Variants in RBFOX3 observed in about 807,000 individuals in gnomAD.
The protein encoded by RBFOX3 is RNA binding protein fox-1 homolog 3.
RBFOX3 carries 17 observed loss-of-function variants against 48.7 expected under a neutral mutation model. That is an observed-to-expected ratio of 0.35 (90% confidence interval 0.24 to 0.52). The LOEUF is 0.52. Ranked by LOEUF, RBFOX3 falls within the 20% of genes least tolerant of loss-of-function variation. The pLI is 0.94. For missense variants in RBFOX3, 382 were observed against 497.5 expected (o/e 0.77, Z 2.21); for synonymous variants, 212 against 209.5 (o/e 1.01, Z -0.10).
At position 79,316,208 on chromosome 17, in the gene RBFOX3, G is replaced by A. The variant is rs72849017; in HGVS notation, c.-174-8384C>T. Among the ~76,000 whole-genome samples the A allele has an allele frequency of 4.7e-3, 712 of 152,278 alleles. 3 individuals are homozygous for A. The highest frequency in any genetic ancestry group is 8.3e-3 in the Non-Finnish European group (567 of 68,002). Reference sequence around the variant, plus strand: ...GGGTGGAGGGGCTGGGGCTGAGGACGAGGCCATGCAGTGGCTTTGTGACTG... The same window carrying A: ...GGGTGGAGGGGCTGGGGCTGAGGACAAGGCCATGCAGTGGCTTTGTGACTG... On this transcript the variant is annotated intron_variant, in intron 2 of 14. Transcript: ENST00000693108.
intron 4 of RBFOX3, among the ~76,000 whole-genome samples, chr17:79,137,980 A>G (rs754416102): frequency 8.5e-5 from 13 of 152,152 alleles, no homozygotes; most frequent in Non-Finnish European, 1.8e-4. Context: ...AGCCATGTGC[A>G]CATGTGTGCT....
At chr17:79,618,683 C>T in the RBFOX3 span, among the ~76,000 whole-genome samples, 3 of 152,304 alleles carry the variant, frequency 2.0e-5, no homozygotes, top group Admixed American at 2.0e-4. Flanking sequence ...CGGGGGTGTC[C>T]ACGTGATGAG....
chr17:79,157,939 G>A (rs915376752), intron 4 of RBFOX3, among the ~76,000 whole-genome samples: 3 of 152,184 alleles, frequency 2.0e-5, no homozygotes, highest in African/African-American at 4.8e-5. Flanking sequence ...TGCTGAGAAC[G>A]ACCGAGCTGT....
chr17:79,169,844 T>C (rs574650466), intron 4 of RBFOX3, among the ~76,000 whole-genome samples: 8 of 152,058 alleles, frequency 5.3e-5, no homozygotes, highest in East Asian at 3.9e-4. Flanking sequence ...CGGAACCGTA[T>C]ACTTCATAAG....
At chr17:79,272,480 T>TGAG (rs2067910930) in intron 3 of RBFOX3, among the ~76,000 whole-genome samples, 1 of 152,172 alleles carries the variant, frequency 6.6e-6, no homozygotes, top group African/African-American at 2.4e-5. Flanking sequence ...TCCCCTCTTC[T>TGAG]CAGTGTTACA....
At chr17:79,504,774 T>A (rs2082850436) in intron 1 of RBFOX3, among the ~76,000 whole-genome samples, 1 of 152,204 alleles carries the variant, frequency 6.6e-6, no homozygotes, top group Non-Finnish European at 1.5e-5. Flanking sequence ...AAGTCTGCCT[T>A]TGACATATAA....
In RBFOX3 at chr17:79,570,161, A is replaced by G. The variant is rs2092620377; in HGVS notation, c.-320+40665T>C. ...AATGGCAAATGGACAGATGGATAAT[A>G]GATGGATGGTAGATGGATAGGTGGA... On this transcript the variant is annotated intron_variant, in intron 1 of 14. Transcript: ENST00000693108. Among the ~76,000 whole-genome samples, 2 of 150,288 alleles carry G rather than the reference A, an allele frequency of 1.3e-5. 1 individual carries two copies. Among genetic ancestry groups the G allele is most frequent in the East Asian group, 4.2e-4 (2 of 4,790 alleles).
rs964088155 is a variant in RBFOX3 at position 79,089,817 on chromosome 17, C to T, written c.*1066G>A. ...GCTGTCCTTGGTGCTGCTCCCGCCA[C>T]CTGGACACCTGCCTTGGGAGCAGGG... On this transcript the variant is annotated 3_prime_UTR_variant, in exon 15 of 15. Coordinates refer to ENST00000693108, the MANE Select transcript of RBFOX3 (RefSeq NM_001350451.2). The T allele has an allele frequency of 2.0e-5, 3 of 152,560 alleles. No individual in the cohort carries two copies. Among genetic ancestry groups the T allele is most frequent in the African/African-American group, 4.8e-5 (2 of 41,456 alleles). The allele number at this position is 152,560 out of a possible 1,614,324, so 9.5% of individuals were successfully genotyped here.
chr17:79,541,684 C>A (rs2089714116), intron 1 of RBFOX3, among the ~76,000 whole-genome samples: 1 of 152,352 alleles, frequency 6.6e-6, no homozygotes, highest in African/African-American at 2.4e-5. Context: ...GGCCTCAAGT[C>A]AGTTCTTCAG....
intron 3 of RBFOX3, among the ~76,000 whole-genome samples, chr17:79,279,557 C>T (rs1262760932): frequency 6.6e-6 from 1 of 152,202 alleles, no homozygotes; most frequent in African/African-American, 2.4e-5. Context: ...AGGCATGACC[C>T]AGTCCAAATA....
intron 4 of RBFOX3, among the ~76,000 whole-genome samples, chr17:79,150,891 G>A (rs1196087164): frequency 2.0e-5 from 3 of 152,222 alleles, no homozygotes; most frequent in Admixed American, 2.0e-4. Flanking sequence ...ACGAGGGCTT[G>A]CTCATGCCTA....
chr17:79,192,157 A>G (rs1452797393), intron 4 of RBFOX3, among the ~76,000 whole-genome samples: 2 of 151,988 alleles, frequency 1.3e-5, no homozygotes, highest in East Asian at 3.9e-4. Context: ...GGGTCCAGCG[A>G]TGTTTTGGCC....
intron 4 of RBFOX3, among the ~76,000 whole-genome samples, chr17:79,215,344 A>G (rs1226657008): frequency 6.6e-6 from 1 of 152,232 alleles, no homozygotes; most frequent in African/African-American, 2.4e-5. Flanking sequence ...TTCCAGACCT[A>G]TGAATGTGAC....
rs1205428201 is a variant in RBFOX3 at position 79,576,664 on chromosome 17, T to C, written c.-320+34162A>G. The stretch of plus-strand genomic sequence containing the variant: ...GAGGGGTGGGAGATGATGGAGAAGT[T>C]GGAGATGATGGAGAAGGCGGAGATG... On this transcript the variant is annotated intron_variant, in intron 1 of 14. Coordinates refer to ENST00000693108, the MANE Select transcript of RBFOX3 (RefSeq NM_001350451.2). Among the ~76,000 whole-genome samples the C allele has an allele frequency of 4.0e-5, 6 of 150,766 alleles. No individual in the cohort carries two copies. In the East Asian group the frequency reaches 1.2e-3, roughly 30 times the overall value.
At chr17:79,393,749 C>T (rs900868886) in intron 2 of RBFOX3, among the ~76,000 whole-genome samples, 9 of 150,504 alleles carry the variant, frequency 6.0e-5, no homozygotes, top group Non-Finnish European at 4.4e-5. Context: ...CTGGTCATCA[C>T]GCACATCAGA....
At chr17:79,618,506 G>A in the RBFOX3 span, among the ~76,000 whole-genome samples, 7 of 152,318 alleles carry the variant, frequency 4.6e-5, no homozygotes, top group South Asian at 1.5e-3. Flanking sequence ...GGGAAGGAGG[G>A]CCGTGCTCAG....
chr17:79,654,745 C>T, the RBFOX3 span, among the ~76,000 whole-genome samples: 2 of 152,292 alleles, frequency 1.3e-5, no homozygotes, highest in African/African-American at 2.4e-5. Flanking sequence ...TTTTAAAATG[C>T]TATCTCATTT....
intron 4 of RBFOX3, among the ~76,000 whole-genome samples, chr17:79,191,710 A>G (rs1377392875): frequency 6.6e-6 from 1 of 152,194 alleles, no homozygotes; most frequent in Non-Finnish European, 1.5e-5. Flanking sequence ...CCAGGACTCA[A>G]GGGAGTGGGG....
intron 2 of RBFOX3, among the ~76,000 whole-genome samples, chr17:79,344,507 G>C (rs1186488550): frequency 6.6e-6 from 1 of 151,744 alleles, no homozygotes; most frequent in Non-Finnish European, 1.5e-5. Flanking sequence ...TCATTTTCCT[G>C]CAGAGGATGG....
Sources: gnomAD v4.1 joint callset for allele counts (sites outside exome capture counted in the v4.1 genomes callset) on GRCh38, gnomAD v4.1.1 for gene constraint, MANE v1.5 for transcripts, NCBI Gene and HGNC (gene_info 2026-07-23, HGNC 2026-07-21) for gene names.